The following MYLK4 variants were observed in gnomAD, a reference collection of about 807,000 sequenced individuals.
The protein encoded by MYLK4 is myosin light chain kinase family member 4.
Under a neutral mutation model 48.1 loss-of-function variants are expected in MYLK4, and 46 were observed. The ratio of observed to expected loss-of-function variants is 0.96; its 90% CI spans 0.75 to 1.22. The LOEUF (loss-of-function observed/expected upper bound fraction) is 1.22, where lower values mean the gene tolerates loss of function less well. Among genes scored for constraint, MYLK4 ranks in the 50% most tolerant of loss-of-function variants. The probability of loss-of-function intolerance (pLI) is 0.00; values close to 1 mark genes in which losing one functional copy is unlikely to be tolerated. For synonymous variants in MYLK4, 170 were observed against 180.8 expected, an observed-to-expected ratio of 0.94 and a Z score of 0.48; for missense variants, 451 against 486.1, an observed-to-expected ratio of 0.93 and a Z score of 0.68.
At chr6:2,765,640 G>C in the MYLK4 span, 4 of 1,541,562 alleles carry the variant, frequency 2.6e-6, no homozygotes, top group African/African-American at 5.7e-5. Flanking sequence ...TGAGCGGGCC[G>C]GAAGACGACC....
chr6:2,671,500 G>T, intron 11 of MYLK4, 152 bp from the exon 12 acceptor site: 1 of 683,808 alleles, frequency 1.5e-6, no homozygotes, highest in Non-Finnish European at 2.5e-6. Context: ...CAACCCCCTG[G>T]CAGACACACC....
chr6:2,759,655 A>G, the MYLK4 span, among the ~76,000 whole-genome samples: 1 of 152,194 alleles, frequency 6.6e-6, no homozygotes, highest in Non-Finnish European at 1.5e-5. Context: ...TCATGTAGTA[A>G]GATGTATTAA....
chr6:2,733,361 G>A (rs1299795852), intron 2 of MYLK4, among the ~76,000 whole-genome samples: 2 of 152,172 alleles, frequency 1.3e-5, no homozygotes, highest in Non-Finnish European at 2.9e-5. Context: ...AAAAACTACA[G>A]TCCCTACAGT....
the MYLK4 span, among the ~76,000 whole-genome samples, chr6:2,762,517 A>G: frequency 2.0e-5 from 3 of 148,598 alleles, no homozygotes; most frequent in Non-Finnish European, 3.0e-5. Flanking sequence ...ATCTCTATAA[A>G]TGTTTAAAAT....
At chr6:2,668,935 G>A (rs1760772214) in intron 12 of MYLK4, among the ~76,000 whole-genome samples, 1 of 152,068 alleles carries the variant, frequency 6.6e-6, no homozygotes, top group South Asian at 2.1e-4. Flanking sequence ...AGGCGTGGTG[G>A]TGAAAGCCTT....
At chr6:2,749,053 T>G (rs1764193975) in intron 2 of MYLK4, 83 bp downstream of exon 2, 2 of 1,305,438 alleles carry the variant, frequency 1.5e-6, no homozygotes, top group Non-Finnish European at 2.1e-6. Flanking sequence ...TTTCCTTAAT[T>G]GTACTCACAA....
chr6:2,764,565 C>T, the MYLK4 span, among the ~76,000 whole-genome samples: 1 of 6,640 alleles, frequency 1.5e-4, no homozygotes, highest in Non-Finnish European at 4.0e-3. Flanking sequence ...TAGACAAAAG[C>T]AAAAAATAAC....
At chr6:2,765,814 C>T in the MYLK4 span, 7 of 1,355,712 alleles carry the variant, frequency 5.2e-6, no homozygotes, top group Middle Eastern at 2.7e-4. Flanking sequence ...CCAAGGGGCC[C>T]TCGCCGCCCG....
intron 2 of MYLK4, among the ~76,000 whole-genome samples, chr6:2,699,474 T>C (rs1450539131): frequency 6.7e-6 from 1 of 148,346 alleles, no homozygotes; most frequent in Non-Finnish European, 1.5e-5. Context: ...TTTTTTTGTA[T>C]TTTTAGTAGA....
At chr6:2,766,365 A>C in the MYLK4 span, 2 of 1,610,040 alleles carry the variant, frequency 1.2e-6, no homozygotes, top group Non-Finnish European at 1.7e-6. Flanking sequence ...GCCGTGGGCC[A>C]GGATACCCTG....
intron 2 of MYLK4, among the ~76,000 whole-genome samples, chr6:2,693,443 C>T (rs998661914): frequency 1.3e-5 from 2 of 152,102 alleles, no homozygotes; most frequent in Non-Finnish European, 2.9e-5. Context: ...ATAAATGGAA[C>T]CTTTACAGTG....
chr6:2,733,835 C>T (rs1166292763), intron 2 of MYLK4, among the ~76,000 whole-genome samples: 5 of 152,126 alleles, frequency 3.3e-5, no homozygotes, highest in Non-Finnish European at 7.4e-5. Context: ...TCCCAAGCTT[C>T]GCCCGCGGAG....
At chr6:2,698,360 C>G (rs923937238) in intron 2 of MYLK4, among the ~76,000 whole-genome samples, 8 of 152,134 alleles carry the variant, frequency 5.3e-5, no homozygotes, top group African/African-American at 1.9e-4. Context: ...CTTTCTACAA[C>G]AAGGGGGTTA....
At chr6:2,726,378 A>C (rs2113307241) in intron 2 of MYLK4, among the ~76,000 whole-genome samples, 1 of 152,282 alleles carries the variant, frequency 6.6e-6, no homozygotes, top group Middle Eastern at 3.4e-3. Context: ...GGGTTTCTGG[A>C]CTGTTAGGCG....
chr6:2,680,425 G>A (rs1761250827), intron 7 of MYLK4, 134 bp from the exon 8 acceptor site: 14 of 1,522,462 alleles, frequency 9.2e-6, no homozygotes, highest in African/African-American at 4.1e-5. Flanking sequence ...GGGCTTGTCC[G>A]TGTGGGTACT....
intron 2 of MYLK4, among the ~76,000 whole-genome samples, chr6:2,699,669 C>T (rs1481848443): frequency 2.6e-5 from 4 of 152,110 alleles, no homozygotes; most frequent in Non-Finnish European, 5.9e-5. Flanking sequence ...TTTACTCCAT[C>T]AGGCTATTCC....
rs113764336 is a variant in MYLK4 at position 2,745,667 on chromosome 6, G to A, written c.159+3469C>T. 2.1e-3 allele frequency among the ~76,000 whole-genome samples: 324 copies of A among 152,334 alleles called. 3 individuals are homozygous for A. Among genetic ancestry groups the A allele is most frequent in the African/African-American group, 7.6e-3 (314 of 41,582 alleles). On this transcript the variant is annotated intron_variant, in intron 2 of 12. Transcript: ENST00000274643. ...AGGCCACACACAGCAGCTCATGCCT[G>A]TAATTCCAGCACTCTGGGAGGCCAA...
the MYLK4 span, among the ~76,000 whole-genome samples, chr6:2,763,638 C>T: frequency 3.3e-5 from 5 of 152,264 alleles, no homozygotes; most frequent in African/African-American, 9.6e-5. Context: ...CGGTTCCCGC[C>T]CGCGCCTCTC....
Position 2,685,433 on chromosome 6 carries a change from G to T in MYLK4, c.436-28C>A. 1 of 1,604,276 alleles carries T rather than the reference G, an allele frequency of 6.2e-7. No homozygotes were observed. The highest frequency in any genetic ancestry group is 8.5e-7 in the Non-Finnish European group (1 of 1,171,692). ...GAGAAGCAGGAAACAGTGCATTAGT[G>T]TGGTCAAGATGGGGCGGGGAGGGAG... On this transcript the variant is annotated intron_variant, in intron 5 of 12. Coordinates refer to ENST00000274643, the MANE Select transcript of MYLK4 (RefSeq NM_001012418.5). The surrounding 1 kb of genome is among the most constrained non-coding windows in gnomAD (Gnocchi z 4.5).
Sources: allele counts gnomAD v4.1 joint callset (sites outside exome capture counted in the v4.1 genomes callset), GRCh38; gene constraint gnomAD v4.1.1; non-coding constraint Gnocchi (gnomAD v3.1); transcripts MANE v1.5; gene names NCBI Gene and HGNC (gene_info 2026-07-23, HGNC 2026-07-21).